Variants in CDH18 observed in about 807,000 individuals in gnomAD.
CDH18 encodes cadherin-18.
Under a neutral mutation model 67.9 loss-of-function variants are expected in CDH18, and 31 were observed. The ratio of observed to expected loss-of-function variants is 0.46; its 90% CI spans 0.34 to 0.62. CDH18 has a LOEUF of 0.62. Ranked by LOEUF, CDH18 falls within the 20% of genes least tolerant of loss-of-function variation. The pLI, the probability that CDH18 is intolerant of heterozygous loss-of-function variation, is 0.01. For synonymous variants in CDH18, 362 were observed against 347.2 expected, an observed-to-expected ratio of 1.04 and a Z score of -0.48; for missense variants, 890 against 975.5, an observed-to-expected ratio of 0.91 and a Z score of 1.17.
chr5:20,119,385 C>G (rs1748172781), intron 2 of CDH18, among the ~76,000 whole-genome samples: 1 of 152,080 alleles, frequency 6.6e-6, no homozygotes, highest in South Asian at 2.1e-4. Context: ...TGCCTTTCCA[C>G]TAAACAACTG....
intron 2 of CDH18, among the ~76,000 whole-genome samples, chr5:19,849,723 TATACACGC>T (rs1783467408): frequency 1.4e-4 from 4 of 27,898 alleles, no homozygotes; most frequent in Non-Finnish European, 5.6e-4. Flanking sequence ...AACATATATA[TATACACGC>T]ATATATATAA....
intron 1 of CDH18, among the ~76,000 whole-genome samples, chr5:20,402,725 T>C (rs1041726242): frequency 1.3e-5 from 2 of 152,116 alleles, no homozygotes; most frequent in African/African-American, 4.8e-5. Flanking sequence ...TTGATGTTGA[T>C]AGCTGCTGAC....
intron 1 of CDH18, among the ~76,000 whole-genome samples, chr5:20,466,735 C>T (rs1330774734): frequency 6.6e-6 from 1 of 152,002 alleles, no homozygotes; most frequent in Non-Finnish European, 1.5e-5. Context: ...GATTATATCC[C>T]ATGTGAGACA....
intron 2 of CDH18, among the ~76,000 whole-genome samples, chr5:19,854,134 T>A (rs758598086): frequency 2.0e-5 from 3 of 152,020 alleles, no homozygotes; most frequent in Non-Finnish European, 4.4e-5. Flanking sequence ...TTAGGATAAT[T>A]TTGGAAGGGC....
intron 2 of CDH18, among the ~76,000 whole-genome samples, chr5:19,999,329 G>A (rs149289221): frequency 6.6e-6 from 1 of 152,202 alleles, no homozygotes; most frequent in Non-Finnish European, 1.5e-5. Flanking sequence ...ACCGGGCAGG[G>A]TGACTCACGC....
chr5:20,552,249 G>T (rs915109039), intron 1 of CDH18, among the ~76,000 whole-genome samples: 2 of 151,870 alleles, frequency 1.3e-5, no homozygotes, highest in African/African-American at 4.8e-5. Context: ...GACCGACATG[G>T]GCAGATCACT....
At chr5:19,791,356 A>AACACACACACACACACACAC (rs58429751) in intron 3 of CDH18, among the ~76,000 whole-genome samples, 46 of 141,642 alleles carry the variant, frequency 3.2e-4, no homozygotes, top group South Asian at 1.4e-3. Context: ...TCGACTTTTA[A>AACACACACACACACACACAC]ACACACACAC....
At chr5:20,179,137 A>G (rs897532487) in intron 2 of CDH18, among the ~76,000 whole-genome samples, 53 of 152,304 alleles carry the variant, frequency 3.5e-4, no homozygotes, top group African/African-American at 1.2e-3. Flanking sequence ...TTTTAATTAT[A>G]GTAAAGACAA....
At chr5:19,835,701 A>C (rs1168913668) in intron 3 of CDH18, among the ~76,000 whole-genome samples, 1 of 152,128 alleles carries the variant, frequency 6.6e-6, no homozygotes, top group African/African-American at 2.4e-5. Context: ...TGGGAGAAAA[A>C]AAATCTGTAC....
At chr5:19,692,408 T>C (rs1282126992) in intron 5 of CDH18, among the ~76,000 whole-genome samples, 1 of 152,130 alleles carries the variant, frequency 6.6e-6, no homozygotes, top group African/African-American at 2.4e-5. Context: ...AAAATGCTTC[T>C]GCTCAGCAGA....
At chr5:19,569,164 G>T (rs1020045797) in intron 8 of CDH18, among the ~76,000 whole-genome samples, 7 of 152,084 alleles carry the variant, frequency 4.6e-5, no homozygotes, top group South Asian at 2.1e-4. Context: ...TAATTTCAAA[G>T]ACCTTACCAT....
At chr5:19,687,349 A>G (rs1268612234) in intron 5 of CDH18, among the ~76,000 whole-genome samples, 1 of 152,198 alleles carries the variant, frequency 6.6e-6, no homozygotes, top group East Asian at 1.9e-4. Flanking sequence ...TAGCCCCTGC[A>G]TCTCAGTCAC....
chr5:20,450,164 C>A (rs766341522), intron 1 of CDH18, among the ~76,000 whole-genome samples: 6 of 151,820 alleles, frequency 4.0e-5, no homozygotes, highest in African/African-American at 9.7e-5. Context: ...ATAATGAAAC[C>A]CTGTCTTTAC....
At chr5:19,623,694 A>C (rs1402950232) in intron 5 of CDH18, among the ~76,000 whole-genome samples, 3 of 151,794 alleles carry the variant, frequency 2.0e-5, no homozygotes, top group Non-Finnish European at 4.4e-5. Context: ...TTTAATATGA[A>C]TGTCACAAAA....
Position 20,017,289 on chromosome 5 carries a change from AAAAT to A in CDH18, c.-517-25279_-517-25276del, listed in dbSNP as rs1307443919. On this transcript the variant is annotated intron_variant, in intron 2 of 14. Coordinates refer to the CDH18 transcript ENST00000507958. Reference sequence around the variant, plus strand: ...CTCTGTATATTGGCACTATGGTAGGAAAATAAAAGTCCCTTCCAAATTCTATTTA... The same window carrying A: ...CTCTGTATATTGGCACTATGGTAGGAAAAAGTCCCTTCCAAATTCTATTTA... Among the ~76,000 whole-genome samples, 13 of 152,088 alleles carry A rather than the reference AAAAT, an allele frequency of 8.5e-5. 1 individual carries two copies.
At chr5:19,968,973 C>G (rs1797755989) in intron 2 of CDH18, among the ~76,000 whole-genome samples, 1 of 133,266 alleles carries the variant, frequency 7.5e-6, no homozygotes, top group Non-Finnish European at 1.5e-5. Context: ...CCAGAATCTA[C>G]AATGAACTCA....
At chr5:19,618,319 C>T (rs1295259629) in intron 5 of CDH18, among the ~76,000 whole-genome samples, 2 of 151,890 alleles carry the variant, frequency 1.3e-5, no homozygotes, top group Non-Finnish European at 2.9e-5. Context: ...GATTCCCCTG[C>T]GTTCGCTTCC....
At chr5:20,192,117 G>A (rs763050224) in intron 2 of CDH18, among the ~76,000 whole-genome samples, 2 of 151,576 alleles carry the variant, frequency 1.3e-5, no homozygotes, top group Non-Finnish European at 1.5e-5. Flanking sequence ...CAGTGATATT[G>A]AGCTTTTTTT....
chr5:19,979,753 T>C (rs1798851704), intron 2 of CDH18, among the ~76,000 whole-genome samples: 1 of 152,176 alleles, frequency 6.6e-6, no homozygotes. Context: ...TTTGTGGCAA[T>C]AGCTGTTTTT....
Sources: gnomAD v4.1 joint callset for allele counts (sites outside exome capture counted in the v4.1 genomes callset) on GRCh38, gnomAD v4.1.1 for gene constraint, MANE v1.5 for transcripts, NCBI Gene and HGNC (gene_info 2026-07-23, HGNC 2026-07-21) for gene names.